Variants in DEUP1 observed in about 807,000 individuals in gnomAD.
DEUP1 encodes coiled-coil domain containing 67.
A neutral mutation model predicts 87.4 loss-of-function variants in DEUP1; 82 were observed. That is an observed-to-expected ratio of 0.94 (90% CI 0.78 to 1.13). The LOEUF (loss-of-function observed/expected upper bound fraction) is 1.13. Among genes scored for constraint, DEUP1 ranks in the 50% most tolerant of loss-of-function variants. The pLI is 0.00. For synonymous variants in DEUP1, 214 were observed against 222.7 expected (o/e 0.96, Z 0.35); for missense variants, 663 against 681.5 (o/e 0.97, Z 0.30).
At chr11:93,418,150 G>A in intron 13 of DEUP1, among the ~76,000 whole-genome samples, 1 of 151,998 alleles carries the variant, frequency 6.6e-6, no homozygotes, top group Non-Finnish European at 1.5e-5. Context: ...AACACCAAAA[G>A]CAATGGCAAC....
intron 11 of DEUP1, among the ~76,000 whole-genome samples, chr11:93,405,868 T>C (rs755414270): frequency 3.3e-5 from 5 of 152,030 alleles, no homozygotes; most frequent in Non-Finnish European, 5.9e-5. Flanking sequence ...CTTTGAACCA[T>C]AGATATTTGG....
intron 7 of DEUP1, among the ~76,000 whole-genome samples, chr11:93,374,468 T>G (rs1591171735): frequency 6.6e-6 from 1 of 152,310 alleles, no homozygotes; most frequent in South Asian, 2.1e-4. Context: ...AAGTGAGAGA[T>G]AAGGATCCAG....
At chr11:93,364,563 C>A (rs1387798744) in intron 5 of DEUP1, among the ~76,000 whole-genome samples, 1 of 151,724 alleles carries the variant, frequency 6.6e-6, no homozygotes, top group African/African-American at 2.4e-5. Context: ...AAAGAAACTG[C>A]AGCTGTTGAG....
chr11:93,420,051 C>A (rs1947820490), intron 13 of DEUP1, among the ~76,000 whole-genome samples: 1 of 152,058 alleles, frequency 6.6e-6, no homozygotes, highest in Admixed American at 6.6e-5. Context: ...GGAATCCTCC[C>A]TAACTCATTT....
intron 8 of DEUP1, 63 bp from the exon 9 acceptor site, chr11:93,388,957 A>G (rs1946678472): frequency 2.2e-6 from 2 of 921,814 alleles, no homozygotes; most frequent in Non-Finnish European, 3.3e-6. Context: ...AATTAACAAT[A>G]TAATCGTTAC....
In DEUP1 at chr11:93,435,995, C is replaced by CAA. The variant is rs34570659; in HGVS notation, c.1639-1531_1639-1530dup. Reference sequence around the variant, plus strand: ...TGGGCGACAGAGTGAGACTCCGTCTCAAAAAAAAAAAAAAAAAATTTTTTC... The same window carrying CAA: ...TGGGCGACAGAGTGAGACTCCGTCTCAAAAAAAAAAAAAAAAAAAATTTTTTC... On this transcript the variant is annotated intron_variant, in intron 13 of 13. Coordinates refer to ENST00000298050, the MANE Select transcript of DEUP1 (RefSeq NM_181645.4). 7.1e-5 allele frequency among the ~76,000 whole-genome samples: 9 copies of CAA among 126,542 alleles called. No individual in the cohort carries two copies. The East Asian group carries it at 2.0e-3, about 29-fold the overall frequency. The allele number at this position is 126,542 out of a possible 152,430, so 83.0% of individuals were successfully genotyped here.
rs2134531714 is a variant in DEUP1, at chr11:93,437,870, A to G, written c.*151A>G. 5 of 581,374 alleles carry G rather than the reference A, an allele frequency of 8.6e-6. No individual in the cohort carries two copies. In the East Asian group the frequency reaches 1.2e-4, roughly 14 times the overall value. 36.0% of individuals were successfully genotyped at this position (581,374 alleles called of 1,614,324 possible). Reference sequence around the variant, plus strand: ...TCCGTAAGGCAGCTAGAAAATAGTAAGTATTTTGTTCTATAAAGCTGTTCA... The same window carrying G: ...TCCGTAAGGCAGCTAGAAAATAGTAGGTATTTTGTTCTATAAAGCTGTTCA... On this transcript the variant is annotated 3_prime_UTR_variant, in exon 14 of 14. Transcript: ENST00000298050.
At chr11:93,362,358 T>G (rs1319412618) in intron 4 of DEUP1, among the ~76,000 whole-genome samples, 1 of 151,922 alleles carries the variant, frequency 6.6e-6, no homozygotes, top group Non-Finnish European at 1.5e-5. Context: ...ACTTACTAAT[T>G]AATAATAAAA....
At chr11:93,435,080 T>A (rs915635260) in intron 13 of DEUP1, among the ~76,000 whole-genome samples, 1 of 152,186 alleles carries the variant, frequency 6.6e-6, no homozygotes, top group Admixed American at 6.5e-5. Context: ...CTCTCATGTC[T>A]GCAGATAAGT....
chr11:93,394,326 T>C (rs1946868273), intron 9 of DEUP1, 133 bp from the exon 10 acceptor site: 1 of 572,118 alleles, frequency 1.7e-6, no homozygotes, highest in Non-Finnish European at 3.1e-6. Context: ...TAATTTAGCA[T>C]TGATCAGAAA....
At chr11:93,386,224 T>C (rs1946544464) in intron 8 of DEUP1, among the ~76,000 whole-genome samples, 1 of 152,224 alleles carries the variant, frequency 6.6e-6, no homozygotes, top group Non-Finnish European at 1.5e-5. Context: ...ACTCGCCATC[T>C]TGTCTGTTCC....
chr11:93,380,532 C>A (rs1331994130), intron 7 of DEUP1, among the ~76,000 whole-genome samples: 1 of 152,096 alleles, frequency 6.6e-6, no homozygotes, highest in Non-Finnish European at 1.5e-5. Flanking sequence ...TCCCTAGTAG[C>A]TGGGACTACA....
chr11:93,420,992 C>A lies in DEUP1; in HGVS notation c.1638+5878C>A, dbSNP rs1339010829. On this transcript the variant is annotated intron_variant, in intron 13 of 13. Transcript: ENST00000298050. Reference sequence around the variant, plus strand: ...TCATGAAAATGGCCATACCGGATGGCCGAATAGGAACAGCTCCGGTCTACA... The same window carrying A: ...TCATGAAAATGGCCATACCGGATGGACGAATAGGAACAGCTCCGGTCTACA... Among the ~76,000 whole-genome samples the A allele has an allele frequency of 1.6e-4, 6 of 38,654 alleles. 3 individuals are homozygous for A. Among genetic ancestry groups the A allele is most frequent in the South Asian group, 2.6e-3 (2 of 770 alleles). 25.4% of individuals were successfully genotyped at this position (38,654 alleles called of 152,430 possible).
At chr11:93,394,303 A>G (rs1946867793) in intron 9 of DEUP1, among the ~76,000 whole-genome samples, 156 bp from the exon 10 acceptor site, 1 of 152,210 alleles carries the variant, frequency 6.6e-6, no homozygotes, top group Non-Finnish European at 1.5e-5. Flanking sequence ...TCATTATTAT[A>G]TGTATCTGTT....
intron 9 of DEUP1, among the ~76,000 whole-genome samples, chr11:93,393,385 G>A (rs548612380): frequency 6.6e-6 from 1 of 151,902 alleles, no homozygotes; most frequent in East Asian, 1.9e-4. Flanking sequence ...CCAGGCTGGA[G>A]TGCAGTGGCA....
chr11:93,331,407 AT>A (rs1195523108), intron 1 of DEUP1, among the ~76,000 whole-genome samples: 2 of 147,420 alleles, frequency 1.4e-5, no homozygotes, highest in African/African-American at 5.0e-5. Flanking sequence ...TAACATCCCT[AT>A]TTTGTCAAGA....
intron 7 of DEUP1, among the ~76,000 whole-genome samples, chr11:93,384,173 T>G (rs1946427896): frequency 6.6e-6 from 1 of 152,160 alleles, no homozygotes. Context: ...GCAATCCGGC[T>G]TTTTTTCTCC....
intron 9 of DEUP1, among the ~76,000 whole-genome samples, chr11:93,392,920 T>TCTCCTCCCTCCTCTTCCTCCTC (rs150194558): frequency 1.9e-4 from 28 of 148,446 alleles, no homozygotes; most frequent in East Asian, 1.4e-3. Flanking sequence ...CCCTCCTCCT[T>TCTCCTCCCTCCTCTTCCTCCTC]CTCCTCCCTC....
At chr11:93,374,038 C>T (rs1012109942) in intron 7 of DEUP1, among the ~76,000 whole-genome samples, 9 of 151,958 alleles carry the variant, frequency 5.9e-5, no homozygotes, top group African/African-American at 1.9e-4. Flanking sequence ...TCATTAGTGA[C>T]GTTGAGCATT....
Sources: gnomAD v4.1 joint callset for allele counts (sites outside exome capture counted in the v4.1 genomes callset) on GRCh38, gnomAD v4.1.1 for gene constraint, MANE v1.5 for transcripts, NCBI Gene and HGNC (gene_info 2026-07-23, HGNC 2026-07-21) for gene names.